Variants in USP32 observed in about 807,000 individuals in gnomAD.
The protein encoded by USP32 is ubiquitin specific peptidase 32.
Under a neutral mutation model 204.8 loss-of-function variants are expected in USP32, and 59 were observed. The observed-to-expected ratio is 0.29, with a 90% CI of 0.23 to 0.36. The LOEUF (loss-of-function observed/expected upper bound fraction) is 0.36. Ranked by LOEUF, USP32 falls within the 10% of genes least tolerant of loss-of-function variation. The pLI is 1.00. For synonymous variants in USP32, 517 were observed against 678.4 expected (o/e 0.76, Z 3.70); for missense variants, 1,160 against 1,946.4 (o/e 0.60, Z 7.60).
intron 5 of USP32, among the ~76,000 whole-genome samples, chr17:60,287,476 T>TG (rs2087145678): frequency 2.0e-5 from 3 of 152,212 alleles, no homozygotes; most frequent in African/African-American, 7.2e-5. Context: ...GGTTGGGCTT[T>TG]GAGCATTTAC....
At chr17:60,404,855 G>A (rs976283456) in intron 1 of USP32, among the ~76,000 whole-genome samples, 1 of 152,110 alleles carries the variant, frequency 6.6e-6, no homozygotes, top group Non-Finnish European at 1.5e-5. Flanking sequence ...AACAACCAAG[G>A]AGTAATCACT....
chr17:60,257,672 C>T lies in USP32; in HGVS notation c.991-2414G>A, dbSNP rs566447540. 2.5e-3 allele frequency among the ~76,000 whole-genome samples: 376 copies of T among 152,108 alleles called. 2 individuals are homozygous for T. The highest frequency in any genetic ancestry group is 8.5e-3 in the African/African-American group (351 of 41,512). ...AAAAAAAGAGAAAAACACAGAAAAA[C>T]AAGGTCTAGTTATGTTGCCCAGGCT... On this transcript the variant is annotated intron_variant, in intron 9 of 33. Transcript: ENST00000300896.
chr17:60,287,686 A>C (rs902928621), intron 5 of USP32, among the ~76,000 whole-genome samples: 2 of 152,162 alleles, frequency 1.3e-5, no homozygotes. Flanking sequence ...TCAGTTTATG[A>C]ATTGTGGTAA....
chr17:60,358,443 C>T (rs973689066), intron 1 of USP32, among the ~76,000 whole-genome samples: 1 of 151,832 alleles, frequency 6.6e-6, no homozygotes, highest in Non-Finnish European at 1.5e-5. Flanking sequence ...GGTGTGGTGG[C>T]GGGTACCTGT....
Position 60,288,387 on chromosome 17 carries a change from C to A in USP32, c.571+136G>T, listed in dbSNP as rs544632083. ...CCCAGGAAGTTGAGACTGCCGTAAG[C>A]CACGATGGTGCCACTGCACTCCAGC... On this transcript the variant is annotated intron_variant, in intron 5 of 33. Coordinates refer to ENST00000300896, the MANE Select transcript of USP32 (RefSeq NM_032582.4). The A allele has an allele frequency of 8.1e-5, 86 of 1,060,022 alleles. No individual in the cohort carries two copies. The South Asian group carries it at 1.6e-3, about 19-fold the overall frequency. 65.7% of individuals were successfully genotyped at this position (1,060,022 alleles called of 1,614,324 possible). A position where few individuals can be genotyped will look rare whatever the true frequency, so the allele number is the denominator to read the frequency against.
chr17:60,189,711 A>G (rs73990668), intron 29 of USP32, among the ~76,000 whole-genome samples: 6,047 of 152,306 alleles, frequency 0.04, 443 homozygotes, highest in African/African-American at 0.14. Context: ...ATGTGCTCTT[A>G]GGTACCCAAA....
At position 60,222,489 on chromosome 17, in the gene USP32, T is replaced by G; in HGVS notation, c.1669A>C (p.Arg557=). The G allele has an allele frequency of 6.2e-7, 1 of 1,614,160 alleles. No individual in the cohort carries two copies. Among genetic ancestry groups the G allele is most frequent in the Non-Finnish European group, 8.5e-7 (1 of 1,180,012 alleles). Residue 557 remains arginine (R), a synonymous_variant, in exon 15 of 34, where the codon AGA becomes CGA. Transcript: ENST00000300896. The part of the protein sequence containing the change: ...LKRTPQLIHG[R]DYEMVPEPVW... ...GGTTCTGGGACCATTTCATAGTCTC[T>G]TCCATGAATCAGCTGTGGAGTTCGT...
Position 60,222,442 on chromosome 17 carries a change from G to A in USP32, c.1716C>T (p.His572=). 1 of 1,614,110 alleles carries A rather than the reference G, an allele frequency of 6.2e-7. No individual in the cohort carries two copies. Among genetic ancestry groups the A allele is most frequent in the Non-Finnish European group, 8.5e-7 (1 of 1,179,980 alleles). The change falls in exon 15 of 34, where the codon CAC becomes CAT. Residue 572 remains histidine, a synonymous_variant. Transcript: ENST00000300896. Reference sequence around the variant, plus strand: ...GTAAGGCCAGGTTTGCTCCATACCAGTGATAAAGTGCTCTCCACACAGGTT... The same window carrying A: ...GTAAGGCCAGGTTTGCTCCATACCAATGATAAAGTGCTCTCCACACAGGTT... The part of the protein sequence containing the change: ...VPEPVWRALY[H]WYGANLALPR...
chr17:60,345,849 G>T (rs1478259809), intron 1 of USP32, among the ~76,000 whole-genome samples: 1 of 152,114 alleles, frequency 6.6e-6, no homozygotes, highest in Non-Finnish European at 1.5e-5. Context: ...GGGCATGGTG[G>T]TGCATGCCTA....
intron 16 of USP32, among the ~76,000 whole-genome samples, chr17:60,216,289 G>T (rs2145538366): frequency 8.0e-6 from 1 of 125,316 alleles, no homozygotes. Context: ...AAAGAGAGGT[G>T]GCAAAAAAAA....
chr17:60,243,842 A>G, intron 11 of USP32, among the ~76,000 whole-genome samples: 1 of 152,060 alleles, frequency 6.6e-6, no homozygotes, highest in Non-Finnish European at 1.5e-5. Context: ...GGGTGCATAT[A>G]TCATCATTTA....
chr17:60,299,225 C>T (rs2087512179), intron 3 of USP32, among the ~76,000 whole-genome samples: 1 of 152,146 alleles, frequency 6.6e-6, no homozygotes, highest in African/African-American at 2.4e-5. Context: ...GACAATTATA[C>T]CTCAATAAAA....
At chr17:60,342,177 C>A (rs1157053150) in intron 2 of USP32, among the ~76,000 whole-genome samples, 1 of 152,138 alleles carries the variant, frequency 6.6e-6, no homozygotes, top group Non-Finnish European at 1.5e-5. Flanking sequence ...AGCTGCAGGT[C>A]TGTTGGAATT....
upstream of USP32, among the ~76,000 whole-genome samples, chr17:60,395,544 A>G (rs1442158745): frequency 2.0e-5 from 3 of 152,228 alleles, no homozygotes; most frequent in African/African-American, 7.2e-5. Flanking sequence ...AATAACGTAG[A>G]AAGTCTGAAG....
At chr17:60,235,073 T>G (rs1389649408) in intron 12 of USP32, among the ~76,000 whole-genome samples, 1 of 152,146 alleles carries the variant, frequency 6.6e-6, no homozygotes, top group Non-Finnish European at 1.5e-5. Flanking sequence ...GTTCAGTCTG[T>G]TTATAAGGGA....
intron 1 of USP32, among the ~76,000 whole-genome samples, chr17:60,365,267 T>G (rs1186315437): frequency 6.6e-6 from 1 of 151,936 alleles, no homozygotes; most frequent in Non-Finnish European, 1.5e-5. Context: ...GATCATGAGG[T>G]TAGGAGTTAG....
intron 5 of USP32, among the ~76,000 whole-genome samples, chr17:60,272,379 C>T (rs2039465915): frequency 6.6e-6 from 1 of 152,192 alleles, no homozygotes; most frequent in Non-Finnish European, 1.5e-5. Flanking sequence ...TCAGAATATA[C>T]ATCAAAAATC....
intron 21 of USP32, 49 bp downstream of exon 21, chr17:60,210,964 A>G: frequency 1.3e-6 from 2 of 1,538,770 alleles, no homozygotes; most frequent in Admixed American, 2.1e-5. Flanking sequence ...AAAAATGATT[A>G]AACAACTATT....
intron 1 of USP32, among the ~76,000 whole-genome samples, chr17:60,371,276 A>T (rs2089435505): frequency 6.7e-6 from 1 of 149,922 alleles, no homozygotes; most frequent in Non-Finnish European, 1.5e-5. Context: ...AAAAAAAAAA[A>T]AATTAAATGG....
Sources: gnomAD v4.1 joint callset for allele counts (sites outside exome capture counted in the v4.1 genomes callset) on GRCh38, gnomAD v4.1.1 for gene constraint, MANE v1.5 for transcripts, NCBI Gene and HGNC (gene_info 2026-07-23, HGNC 2026-07-21) for gene names.